ENOSF1: variants seen among roughly 807,000 people sequenced by gnomAD.
The protein encoded by ENOSF1 is enolase superfamily member 1.
ENOSF1 carries 73 observed loss-of-function variants against 68.2 expected under a neutral mutation model. That is an observed-to-expected ratio of 1.07 (90% CI 0.89 to 1.30). The LOEUF is 1.30. Among genes scored for constraint, ENOSF1 ranks in the 50% most tolerant of loss-of-function variants. ENOSF1 has a pLI of 0.00. For missense variants in ENOSF1, 589 were observed against 554.5 expected (o/e 1.06, Z -0.62); for synonymous variants, 223 against 210.4 (o/e 1.06, Z -0.52).
downstream of ENOSF1, among the ~76,000 whole-genome samples, chr18:668,284 C>G (rs1247198110): frequency 6.6e-6 from 1 of 152,056 alleles, no homozygotes; most frequent in African/African-American, 2.4e-5. Context: ...AGAGGACTTT[C>G]CTCCCAAAAT....
At position 694,325 on chromosome 18, in the gene ENOSF1, C is replaced by T. The variant is rs1255410894; in HGVS notation, c.319G>A (p.Glu107Lys). The change falls in exon 4 of 16, where the codon GAA (glutamate) becomes AAA (lysine). Residue 107 changes from glutamate to lysine, a missense_variant. Coordinates refer to ENST00000647584, the MANE Select transcript of ENOSF1 (RefSeq NM_017512.7). ...SDGQLRWIGP[E>K]KGVVHLATAA... Reference sequence around the variant, plus strand: ...GTCGCCAGGTGCACCACGCCCTTTTCTGGACCAATCTGGTTAGGAAGCAAA... The same window carrying T: ...GTCGCCAGGTGCACCACGCCCTTTTTTGGACCAATCTGGTTAGGAAGCAAA... 1 of 1,614,128 alleles carries T rather than the reference C, an allele frequency of 6.2e-7. No homozygotes were observed. Among genetic ancestry groups the T allele is most frequent in the South Asian group, 1.1e-5 (1 of 91,076 alleles).
chr18:668,319 T>C (rs1385088057), downstream of ENOSF1, among the ~76,000 whole-genome samples: 1 of 152,162 alleles, frequency 6.6e-6, no homozygotes, highest in African/African-American at 2.4e-5. Context: ...AACCAGAATA[T>C]AGTCTGACAC....
chr18:712,301 G>A, intron 1 of ENOSF1: 7 of 1,506,478 alleles, frequency 4.6e-6, no homozygotes, highest in Admixed American at 4.2e-5. Flanking sequence ...AAGCTGCCCG[G>A]GGCCCGCAGA....
chr18:666,625 C>T (rs8088781), downstream of ENOSF1, among the ~76,000 whole-genome samples: 18,832 of 152,228 alleles, frequency 0.12, 1,267 homozygotes, highest in Non-Finnish European at 0.15. Context: ...TCACATTTCA[C>T]CTCCAGCCAC....
chr18:697,407 A>C, intron 2 of ENOSF1, 52 bp from the exon 3 acceptor site: 1 of 1,291,504 alleles, frequency 7.7e-7, no homozygotes, highest in Non-Finnish European at 1.1e-6. Context: ...AGGTCAAGAA[A>C]TTAGCACCTG....
At chr18:679,863 T>C (rs1175819481) in intron 11 of ENOSF1, among the ~76,000 whole-genome samples, 1 of 152,194 alleles carries the variant, frequency 6.6e-6, no homozygotes, top group Non-Finnish European at 1.5e-5. Context: ...CTTAGGGTAA[T>C]AGTAATCACA....
At chr18:694,196 T>C (rs2077486968) in intron 4 of ENOSF1, 52 bp downstream of exon 4, 2 of 1,536,154 alleles carry the variant, frequency 1.3e-6, no homozygotes, top group South Asian at 2.3e-5. Context: ...GTAGGGAAAG[T>C]CAGTGTCGTA....
At chr18:676,678 C>T (rs1175032995) in intron 14 of ENOSF1, among the ~76,000 whole-genome samples, 4 of 152,090 alleles carry the variant, frequency 2.6e-5, no homozygotes, top group East Asian at 1.9e-4. Context: ...TAAAATAGTT[C>T]GGCTATATTA....
chr18:673,228 G>A lies in ENOSF1; in HGVS notation c.*1077C>T. 2.7e-6 allele frequency: 1 copy of A among 375,024 alleles called. No individual in the cohort carries two copies. The highest frequency in any genetic ancestry group is 4.8e-6 in the Non-Finnish European group (1 of 210,242). 23.2% of individuals were successfully genotyped at this position (375,024 alleles called of 1,614,324 possible). On this transcript the variant is annotated 3_prime_UTR_variant, in exon 16 of 16. Transcript: ENST00000647584. ...CACTGAGGGTATCTGACAATGCTGA[G>A]GTTATGAACAAAGTGAGGAGAATGA...
At chr18:699,362 A>G (rs1187459404) in intron 2 of ENOSF1, among the ~76,000 whole-genome samples, 1 of 151,980 alleles carries the variant, frequency 6.6e-6, no homozygotes, top group African/African-American at 2.4e-5. Flanking sequence ...CGGGAGGCTG[A>G]GGTAGGAGGA....
At chr18:676,473 C>T (rs2612101) in intron 14 of ENOSF1, among the ~76,000 whole-genome samples, 39,278 of 152,092 alleles carry the variant, frequency 0.26, 5,561 homozygotes, top group African/African-American at 0.34. Context: ...CTCTCTTCCT[C>T]CTGCTCTTGG....
At position 691,192 on chromosome 18, in the gene ENOSF1, T is replaced by C. The variant is rs201430728; in HGVS notation, c.496+12A>G. The C allele has an allele frequency of 3.2e-5, 52 of 1,614,072 alleles. No homozygotes were observed. In the East Asian group the frequency reaches 1.1e-3, roughly 35 times the overall value. ...GTGCACGTCGTGTATCCCAGAAAGC[T>C]TCCAAACTCACCTAGGGCATCCTCC... On this transcript the variant is annotated intron_variant, in intron 6 of 15. Coordinates refer to ENST00000647584, the MANE Select transcript of ENOSF1 (RefSeq NM_017512.7).
intron 8 of ENOSF1, 72 bp from the exon 9 acceptor site, chr18:688,680 G>T: frequency 7.4e-7 from 1 of 1,357,110 alleles, no homozygotes; most frequent in South Asian, 1.2e-5. Context: ...AGTCATTGCT[G>T]ATCTGTTTCA....
At chr18:688,461 G>A in intron 9 of ENOSF1, 113 bp downstream of exon 9, 4 of 1,403,716 alleles carry the variant, frequency 2.8e-6, no homozygotes, top group Non-Finnish European at 4.0e-6. Context: ...TATGAGCCAG[G>A]GGGATCCTAG....
intron 5 of ENOSF1, chr18:692,870 CA>C (rs1374356110): frequency 9.1e-7 from 1 of 1,098,900 alleles, no homozygotes; most frequent in East Asian, 7.2e-5. Context: ...CTCCTGTCTT[CA>C]CTTTCCTCCG....
chr18:694,476 G>A (rs2077516992), intron 3 of ENOSF1, 142 bp from the exon 4 acceptor site: 1 of 713,992 alleles, frequency 1.4e-6, no homozygotes, highest in Non-Finnish European at 2.3e-6. Context: ...ACTGAAAACA[G>A]AGAAATGAGC....
chr18:707,263 G>A (rs1451767229), intron 1 of ENOSF1, among the ~76,000 whole-genome samples: 4 of 152,162 alleles, frequency 2.6e-5, no homozygotes, highest in African/African-American at 9.7e-5. Flanking sequence ...GAGCTCTAGT[G>A]ATCCACCCGC....
At chr18:668,990 T>C (rs2074921790), downstream of ENOSF1, 4 of 1,166,942 alleles carry the variant, frequency 3.4e-6, no homozygotes, top group South Asian at 5.4e-5. Flanking sequence ...GGTAAGAGAC[T>C]GTAATAGATG....
downstream of ENOSF1, among the ~76,000 whole-genome samples, chr18:669,787 T>G (rs2074950824): frequency 6.6e-6 from 1 of 152,172 alleles, no homozygotes; most frequent in East Asian, 1.9e-4. Flanking sequence ...ACAATTATAT[T>G]GTAAAATTCA....
Sources: allele counts gnomAD v4.1 joint callset (sites outside exome capture counted in the v4.1 genomes callset), GRCh38; gene constraint gnomAD v4.1.1; transcripts MANE v1.5; gene names NCBI Gene and HGNC (gene_info 2026-07-23, HGNC 2026-07-21).